BAZ1B: variants seen among roughly 807,000 people sequenced by gnomAD.
BAZ1B encodes bromodomain adjacent to zinc finger domain 1B.
In BAZ1B, 22 loss-of-function variants were observed where a neutral mutation model predicts 153.8. The ratio of observed to expected loss-of-function variants is 0.14; its 90% confidence interval spans 0.10 to 0.20. The LOEUF (loss-of-function observed/expected upper bound fraction) is 0.20. Ranked by LOEUF, BAZ1B falls within the 10% of genes least tolerant of loss-of-function variation. The pLI is 1.00. For missense variants in BAZ1B, 1,325 were observed against 1,799.3 expected, an observed-to-expected ratio of 0.74 and a Z score of 4.77; for synonymous variants, 676 against 633.4, an observed-to-expected ratio of 1.07 and a Z score of -1.01.
In BAZ1B at chr7:73,442,840, G is replaced by GA. The variant is rs782431200; in HGVS notation, c.3991-13dup. On this transcript the variant is annotated splice_polypyrimidine_tract_variant and intron_variant, in intron 17 of 19. Transcript: ENST00000339594. Reference sequence around the variant, plus strand: ...TTGGTCTGAAGCACCTGGCAGGAAAGAAAGAACAATGTTATTACAGATTCA... The same window carrying GA: ...TTGGTCTGAAGCACCTGGCAGGAAAGAAAAGAACAATGTTATTACAGATTCA... The GA allele has an allele frequency of 1.1e-5, 17 of 1,600,870 alleles. No individual in the cohort carries two copies. The highest frequency in any genetic ancestry group is 1.7e-5 in the Admixed American group (1 of 59,612).
At chr7:73,491,617 GA>G (rs1238868056) in intron 5 of BAZ1B, among the ~76,000 whole-genome samples, 5 of 147,564 alleles carry the variant, frequency 3.4e-5, no homozygotes, top group South Asian at 2.1e-4. Context: ...GAAAAGAAAA[GA>G]AAAAAAAAAT....
At chr7:73,445,230 C>T (rs569183501) in intron 16 of BAZ1B, among the ~76,000 whole-genome samples, 1 of 152,222 alleles carries the variant, frequency 6.6e-6, no homozygotes, top group South Asian at 2.1e-4. Context: ...GGCAGTGACA[C>T]GAATAATCCA....
Position 73,522,100 on chromosome 7 carries a change from G to A in BAZ1B, c.-167C>T, listed in dbSNP as rs1242870280. On this transcript the variant is annotated 5_prime_UTR_variant, in exon 1 of 20. Transcript: ENST00000339594. ...TCCCTCACCGCCGGCGCGGCCGCGCGACAGTCATGGAGCGGAACGCCACGG... is the reference window on the plus strand; with the variant it reads ...TCCCTCACCGCCGGCGCGGCCGCGCAACAGTCATGGAGCGGAACGCCACGG... 4.6e-6 allele frequency: 2 copies of A among 432,354 alleles called. No individual in the cohort carries two copies. Among genetic ancestry groups the A allele is most frequent in the East Asian group, 7.1e-5 (2 of 28,092 alleles). The allele number at this position is 432,354 out of a possible 1,614,324, so 26.8% of individuals were successfully genotyped here. A position where few individuals can be genotyped will look rare whatever the true frequency, so the allele number is the denominator to read the frequency against.
intron 16 of BAZ1B, 79 bp downstream of exon 16, chr7:73,447,185 T>C: frequency 6.2e-7 from 1 of 1,610,872 alleles, no homozygotes; most frequent in Non-Finnish European, 8.5e-7. Context: ...CCACACTACC[T>C]ACTGCCAAGC....
chr7:73,470,575 ATACAG>A, intron 7 of BAZ1B, 92 bp from the exon 8 acceptor site: 2 of 1,414,632 alleles, frequency 1.4e-6, no homozygotes, highest in Non-Finnish European at 1.9e-6. Context: ...AGTGCCTAGT[ATACAG>A]TAGTTATCAA....
chr7:73,465,423 G>T lies in BAZ1B; in HGVS notation c.3071+16C>A. The T allele has an allele frequency of 6.6e-7, 1 of 1,518,528 alleles. No homozygotes were observed. The highest frequency in any genetic ancestry group is 9.0e-7 in the Non-Finnish European group (1 of 1,111,664). The allele number at this position is 1,518,528 out of a possible 1,614,324, so 94.1% of individuals were successfully genotyped here. A position where few individuals can be genotyped will look rare whatever the true frequency, so the allele number is the denominator to read the frequency against. On this transcript the variant is annotated intron_variant, in intron 11 of 19. Transcript: ENST00000339594. ...AAGAGAAGTAAGATGTGAGGAGTAA[G>T]ATGAAAACCTCTTACCTCTTCTCTA...
At chr7:73,485,639 AAAAG>A (rs1357420133) in intron 6 of BAZ1B, among the ~76,000 whole-genome samples, 3 of 151,956 alleles carry the variant, frequency 2.0e-5, no homozygotes, top group Non-Finnish European at 2.9e-5. Flanking sequence ...AAAAAAAAAA[AAAAG>A]AGAGAGAGAA....
chr7:73,513,929 A>G (rs1455250854), intron 1 of BAZ1B, among the ~76,000 whole-genome samples: 1 of 152,186 alleles, frequency 6.6e-6, no homozygotes. Context: ...ACATTAACAA[A>G]TATGTCTTAA....
intron 1 of BAZ1B, among the ~76,000 whole-genome samples, chr7:73,513,263 T>C (rs905919079): frequency 2.6e-5 from 4 of 152,184 alleles, no homozygotes; most frequent in Non-Finnish European, 2.9e-5. Flanking sequence ...GCATGTTTAA[T>C]AAATATAGAT....
In BAZ1B at chr7:73,447,396, T is replaced by C. The variant is rs199795227; in HGVS notation, c.3729-17A>G. ...GTATAGTTCCTGTGGGTAGAAAAAATAATGTAGGGAACACAGTTTTAGCCC... is the reference window on the plus strand; with the variant it reads ...GTATAGTTCCTGTGGGTAGAAAAAACAATGTAGGGAACACAGTTTTAGCCC... On this transcript the variant is annotated splice_polypyrimidine_tract_variant and intron_variant, in intron 15 of 19. Transcript: ENST00000339594. 1.7e-4 allele frequency: 269 copies of C among 1,602,972 alleles called. No individual in the cohort carries two copies. The highest frequency in any genetic ancestry group is 2.2e-4 in the Non-Finnish European group (264 of 1,174,530).
At position 73,477,178 on chromosome 7, in the gene BAZ1B, T is replaced by C; in HGVS notation, c.2283A>G (p.Ser761=). The change falls in exon 7 of 20, where the codon TCA becomes TCG. Residue 761 remains serine, a synonymous_variant. Coordinates refer to ENST00000339594, the MANE Select transcript of BAZ1B (RefSeq NM_032408.4). This position sits in a 1 kb window ranked among gnomAD's most constrained non-coding sequence, Gnocchi z 5.6. ...ALCHRILMTY[S]VQDHMETRQQ... Reference sequence around the variant, plus strand: ...GTCTGGTCTCCATGTGGTCTTGCACTGAGTATGTCATGAGGATCCGGTGGC... The same window carrying C: ...GTCTGGTCTCCATGTGGTCTTGCACCGAGTATGTCATGAGGATCCGGTGGC... The C allele has an allele frequency of 6.2e-7, 1 of 1,614,260 alleles. No homozygotes were observed. The highest frequency in any genetic ancestry group is 8.5e-7 in the Non-Finnish European group (1 of 1,180,046).
intron 1 of BAZ1B, among the ~76,000 whole-genome samples, chr7:73,513,271 G>A (rs1476481475): frequency 1.3e-5 from 2 of 152,158 alleles, no homozygotes; most frequent in African/African-American, 4.8e-5. Context: ...AATAAATATA[G>A]ATGCTTGGTT....
intron 3 of BAZ1B, among the ~76,000 whole-genome samples, chr7:73,501,381 T>C (rs1336655428): frequency 6.6e-6 from 1 of 152,224 alleles, no homozygotes; most frequent in African/African-American, 2.4e-5. Context: ...TCCTCCCTCC[T>C]TCTGTAGTCC....
chr7:73,486,329 A>T (rs1789404096), intron 6 of BAZ1B, among the ~76,000 whole-genome samples: 2 of 151,710 alleles, frequency 1.3e-5, no homozygotes, highest in Non-Finnish European at 2.9e-5. Flanking sequence ...AAACTATTTT[A>T]TTTATTTATT....
At chr7:73,494,210 T>C (rs1014790607) in intron 4 of BAZ1B, among the ~76,000 whole-genome samples, 9 of 151,846 alleles carry the variant, frequency 5.9e-5, no homozygotes, top group African/African-American at 2.2e-4. Flanking sequence ...GGTGAAACCC[T>C]GTCTCTACAA....
Position 73,449,545 on chromosome 7 carries a change from C to T in BAZ1B, c.3725G>A (p.Gly1242Asp). 1 of 1,609,522 alleles carries T rather than the reference C, an allele frequency of 6.2e-7. No homozygotes were observed. Among genetic ancestry groups the T allele is most frequent in the Non-Finnish European group, 8.5e-7 (1 of 1,178,526 alleles). ...TTTTAAAAGAAAAGATTCTCACCTGCCACGGGAGTTGCGCCTGGCAGTAGC... is the reference window on the plus strand; with the variant it reads ...TTTTAAAAGAAAAGATTCTCACCTGTCACGGGAGTTGCGCCTGGCAGTAGC... The part of the protein sequence containing the change: ...QPATARRNSR[G>D]RNYTEESASE... Residue 1242 changes from glycine (G) to aspartate (D), a missense_variant, in exon 15 of 20, where the codon GGC (glycine) becomes GAC (aspartate). Gly to Asp is a moderately conservative substitution (Grantham distance 94, BLOSUM62 -1). This residue lies in a region of BAZ1B where 271 missense variants were observed against 337.2 expected (regional missense o/e 0.80). Coordinates refer to ENST00000339594, the MANE Select transcript of BAZ1B (RefSeq NM_032408.4).
chr7:73,442,409 G>A lies in BAZ1B; in HGVS notation c.4239C>T (p.Thr1413=). The change falls in exon 19 of 20, where the codon ACC becomes ACT. Residue 1413 remains threonine, a synonymous_variant. Transcript: ENST00000339594. ...CACGGCAGTTGTAAACCTCAGCATT[G>A]GTAAACACTTGCTTCATGTCAGTAA... is the stretch of plus-strand genomic sequence containing the variant. ...EFLTDMKQVF[T]NAEVYNCRGS... The A allele has an allele frequency of 6.2e-7, 1 of 1,614,198 alleles. No individual in the cohort carries two copies. Among genetic ancestry groups the A allele is most frequent in the Non-Finnish European group, 8.5e-7 (1 of 1,180,050 alleles).
At chr7:73,459,495 A>C in intron 13 of BAZ1B, 41 bp downstream of exon 13, 1 of 1,589,684 alleles carries the variant, frequency 6.3e-7, no homozygotes, top group Non-Finnish European at 8.6e-7. Flanking sequence ...AAATCAACTC[A>C]TCTACGGAAT....
rs781987251 is a variant in BAZ1B, at chr7:73,477,123, G to A, written c.2338C>T (p.Arg780Trp). The part of the protein sequence containing the change: ...QQMSAELWKE[R>W]LAVLKEENDK... ...TTTTCTTCCTTCAACACAGCAAGCC[G>A]TTCCTTCCACAACTCTGCAGACATC... The change falls in exon 7 of 20, where the codon CGG becomes TGG. Residue 780 changes from arginine (R) to tryptophan (W), a missense_variant. This residue lies in a region of BAZ1B where 431 missense variants were observed against 563.5 expected (regional missense o/e 0.76). Coordinates refer to ENST00000339594, the MANE Select transcript of BAZ1B (RefSeq NM_032408.4). This position sits in a 1 kb window ranked among gnomAD's most constrained non-coding sequence, Gnocchi z 5.6. 6.2e-7 allele frequency: 1 copy of A among 1,614,038 alleles called. No homozygotes were observed. The highest frequency in any genetic ancestry group is 8.5e-7 in the Non-Finnish European group (1 of 1,180,018).
Sources: allele counts gnomAD v4.1 joint callset (sites outside exome capture counted in the v4.1 genomes callset), GRCh38; gene constraint gnomAD v4.1.1; regional missense constraint gnomAD v4.1.1; non-coding constraint Gnocchi (gnomAD v3.1); transcripts MANE v1.5; gene names NCBI Gene and HGNC (gene_info 2026-07-23, HGNC 2026-07-21).